IGDCC4: variants seen among roughly 807,000 people sequenced by gnomAD.
IGDCC4 encodes the protein likely ortholog of mouse neighbor of Punc E11.
IGDCC4 carries 72 observed loss-of-function variants against 116.6 expected under a neutral mutation model. That is an observed-to-expected ratio of 0.62 (90% CI 0.51 to 0.75). The LOEUF is 0.75. IGDCC4 is among the 30% of genes least tolerant of loss of function. The pLI, the probability that IGDCC4 is intolerant of heterozygous loss-of-function variation, is 0.00. For synonymous variants in IGDCC4, 709 were observed against 719.9 expected, an observed-to-expected ratio of 0.98 and a Z score of 0.24; for missense variants, 1,501 against 1,662.4, an observed-to-expected ratio of 0.90 and a Z score of 1.69.
Position 65,391,966 on chromosome 15 carries a change from T to C in IGDCC4, c.2138A>G (p.Tyr713Cys). Reference sequence around the variant, plus strand: ...GTTGAAAGCCACGAGCTTCACCTCGTACAGCCGGCCAGGGACTGGGGAAGG... The same window carrying C: ...GTTGAAAGCCACGAGCTTCACCTCGCACAGCCGGCCAGGGACTGGGGAAGG... ...ELTQLVPGRLYEVKLVAFNKH... is the reference protein window; with the variant it reads ...ELTQLVPGRLCEVKLVAFNKH... Residue 713 changes from tyrosine (Y) to cysteine (C), a missense_variant, in exon 12 of 20, where the codon TAC becomes TGC. Tyr to Cys is a radical substitution (Grantham distance 194). Around this residue, in one of 3 missense-constraint regions of IGDCC4, gnomAD observed 898 missense variants for 978.9 expected, o/e 0.92. Transcript: ENST00000352385. The C allele has an allele frequency of 6.2e-7, 1 of 1,611,856 alleles. No homozygotes were observed. Among genetic ancestry groups the C allele is most frequent in the Non-Finnish European group, 8.5e-7 (1 of 1,178,920 alleles).
intron 3 of IGDCC4, among the ~76,000 whole-genome samples, chr15:65,407,087 G>A (rs1428215755): frequency 1.3e-5 from 2 of 152,012 alleles, no homozygotes; most frequent in African/African-American, 2.4e-5. Context: ...TATCCTCCAC[G>A]CAGGTCGCTG....
Position 65,393,907 on chromosome 15 carries a change from T to A in IGDCC4, c.1715-376A>T, listed in dbSNP as rs897343309. Among the ~76,000 whole-genome samples, 1 of 152,242 alleles carries A rather than the reference T, an allele frequency of 6.6e-6. No individual in the cohort carries two copies. The highest frequency in any genetic ancestry group is 2.4e-5 in the African/African-American group (1 of 41,468). The stretch of plus-strand genomic sequence containing the variant: ...GCTTCCAGAGCCCTGAGGGCCACCA[T>A]GGCCACTTCCTCACCCTTCCCTCCT... On this transcript the variant is annotated intron_variant, in intron 9 of 19. Coordinates refer to ENST00000352385, the MANE Select transcript of IGDCC4 (RefSeq NM_020962.3). This position sits in a 1 kb window ranked among gnomAD's most constrained non-coding sequence, Gnocchi z 4.6.
At chr15:65,413,204 A>G (rs893539604) in intron 1 of IGDCC4, among the ~76,000 whole-genome samples, 4 of 152,142 alleles carry the variant, frequency 2.6e-5, no homozygotes, top group Non-Finnish European at 5.9e-5. Flanking sequence ...TAAGTGCCCC[A>G]GGTAGGGACT....
At position 65,411,032 on chromosome 15, in the gene IGDCC4, C is replaced by A; in HGVS notation, c.409G>T (p.Val137Phe). 6.2e-7 allele frequency: 1 copy of A among 1,608,070 alleles called. No individual in the cohort carries two copies. ...LGVLASQTAVVKLATLADFSL... is the reference protein window; with the variant it reads ...LGVLASQTAVFKLATLADFSL... ...TGCAAGCACTTACTGGCAAGCTTGA[C>A]GACAGCAGTCTGGCTGGCCAGCACT... Residue 137 changes from valine (V) to phenylalanine (F), a missense_variant, in exon 2 of 20, where the codon GTC becomes TTC. Around this residue, in one of 3 missense-constraint regions of IGDCC4, gnomAD observed 898 missense variants for 978.9 expected, o/e 0.92. Coordinates refer to ENST00000352385, the MANE Select transcript of IGDCC4 (RefSeq NM_020962.3).
chr15:65,400,364 C>G (rs1275072592), intron 5 of IGDCC4, among the ~76,000 whole-genome samples: 1 of 152,216 alleles, frequency 6.6e-6, no homozygotes, highest in Non-Finnish European at 1.5e-5. Flanking sequence ...CAGCAGTATG[C>G]TGGGGTGGAC....
At chr15:65,411,575 T>C (rs989190520) in intron 1 of IGDCC4, among the ~76,000 whole-genome samples, 2 of 152,142 alleles carry the variant, frequency 1.3e-5, no homozygotes, top group African/African-American at 2.4e-5. Context: ...AATTTCCTCA[T>C]AGCAGCATTA....
chr15:65,422,722 C>T, intron 1 of IGDCC4, 71 bp downstream of exon 1: 1 of 1,194,642 alleles, frequency 8.4e-7, no homozygotes, highest in South Asian at 2.1e-5. Context: ...CCCCGCAGCC[C>T]GATGCAGACC....
At position 65,388,967 on chromosome 15, in the gene IGDCC4, G is replaced by A. The variant is rs1349321269; in HGVS notation, c.2548C>T (p.Pro850Ser). 14 of 1,599,216 alleles carry A rather than the reference G, an allele frequency of 8.8e-6. No individual in the cohort carries two copies. In the South Asian group the frequency reaches 1.5e-4, roughly 17 times the overall value. The change falls in exon 15 of 20, where the codon CCC (proline) becomes TCC (serine). Residue 850 changes from proline to serine, a missense_variant. By Grantham distance (74) the Pro-to-Ser change is moderately conservative (BLOSUM62 -1). Around this residue, in one of 3 missense-constraint regions of IGDCC4, gnomAD observed 235 missense variants for 328.0 expected, o/e 0.72. Transcript: ENST00000352385. ...RSTLPDRPST[P>S]PSDLRLSPLT... is the part of the protein sequence containing the mutation. ...GGGCTCAGTCGCAGGTCGGATGGGG[G>A]TGTGGAGGGCCCTGGGGTGCGGGAG...
chr15:65,393,507 C>T lies in IGDCC4; in HGVS notation c.1739G>A (p.Arg580Gln), dbSNP rs150437562. Residue 580 changes from arginine (R) to glutamine (Q), a missense_variant, in exon 10 of 20, where the codon CGA becomes CAA. By Grantham distance (43) the Arg-to-Gln change is conservative. Coordinates refer to ENST00000352385, the MANE Select transcript of IGDCC4 (RefSeq NM_020962.3). The surrounding 1 kb of genome is among the most constrained non-coding windows in gnomAD (Gnocchi z 4.6). ...KEDQIFSTEV[R>Q]GNETQLMLNS... ...CAGCATAAGCTGTGTCTCATTTCCT[C>T]GCACCTCAGTAGAGAAAATCTGATC... 124 of 1,605,164 alleles carry T rather than the reference C, an allele frequency of 7.7e-5. 1 individual carries two copies. The African/African-American group carries it at 1.1e-3, about 14-fold the overall frequency.
Position 65,393,815 on chromosome 15 carries a change from T to G in IGDCC4, c.1715-284A>C, listed in dbSNP as rs2062891075. Among the ~76,000 whole-genome samples the G allele has an allele frequency of 6.6e-6, 1 of 152,006 alleles. No individual in the cohort carries two copies. Among genetic ancestry groups the G allele is most frequent in the African/African-American group, 2.4e-5 (1 of 41,358 alleles). On this transcript the variant is annotated intron_variant, in intron 9 of 19. Transcript: ENST00000352385. This position sits in a 1 kb window ranked among gnomAD's most constrained non-coding sequence, Gnocchi z 4.6. ...CCAGGAGCTGTCAATGACCATCCCC[T>G]GCCAACACACACACACACGGGATGC...
At chr15:65,414,791 G>A (rs938501715) in intron 1 of IGDCC4, among the ~76,000 whole-genome samples, 4 of 152,182 alleles carry the variant, frequency 2.6e-5, no homozygotes, top group African/African-American at 4.8e-5. Context: ...ACAGGCATGC[G>A]CCATCACACC....
At chr15:65,387,947 TA>T (rs1207237666) in intron 16 of IGDCC4, among the ~76,000 whole-genome samples, 2 of 152,000 alleles carry the variant, frequency 1.3e-5, no homozygotes, top group Non-Finnish European at 2.9e-5. Context: ...CCGTCTTTAC[TA>T]AAAAATACAA....
chr15:65,396,939 G>C lies in IGDCC4; in HGVS notation c.892C>G (p.Leu298Val). 1 of 1,577,048 alleles carries C rather than the reference G, an allele frequency of 6.3e-7. No individual in the cohort carries two copies. The highest frequency in any genetic ancestry group is 8.6e-7 in the Non-Finnish European group (1 of 1,160,978). Reference protein sequence around the residue: ...DVIVLGRTNLLIANAQPWHSG... With the variant: ...DVIVLGRTNLVIANAQPWHSG... ...TGCCAGGGCTGCGCGTTGGCAATTA[G>C]TAGGTTGGTGCGGCCCAGGACGATG... Residue 298 changes from leucine (L) to valine (V), a missense_variant, in exon 6 of 20, where the codon CTA becomes GTA. Physicochemically the swap from Leu to Val is conservative, Grantham distance 32 (BLOSUM62 1). This residue lies in a region of IGDCC4 where 898 missense variants were observed against 978.9 expected (regional missense o/e 0.92). Transcript: ENST00000352385.
At chr15:65,404,497 CCTTT>C (rs2063021717) in intron 3 of IGDCC4, among the ~76,000 whole-genome samples, 1 of 152,168 alleles carries the variant, frequency 6.6e-6, no homozygotes, top group African/African-American at 2.4e-5. Context: ...TCCTCCAAGA[CCTTT>C]CTTTCTCCTC....
At position 65,384,304 on chromosome 15, in the gene IGDCC4, A is replaced by T. The variant is rs2091431898; in HGVS notation, c.3458T>A (p.Leu1153Gln). 2 of 1,607,370 alleles carry T rather than the reference A, an allele frequency of 1.2e-6. No individual in the cohort carries two copies. Among genetic ancestry groups the T allele is most frequent in the Non-Finnish European group, 1.7e-6 (2 of 1,176,658 alleles). The stretch of plus-strand genomic sequence containing the variant: ...TGGAGGCAGGGGGTCCTCAGGCTCC[A>T]GGTCTTGGAGATGGAGGTCAGGGTT... The part of the protein sequence containing the change: ...NGNPDLHLQD[L>Q]EPEDPLPPEA... The change falls in exon 20 of 20, where the codon CTG (leucine) becomes CAG (glutamine). Residue 1153 changes from leucine to glutamine, a missense_variant. By Grantham distance (113) the Leu-to-Gln change is moderately radical (BLOSUM62 -2). Transcript: ENST00000352385. The surrounding 1 kb of genome is among the most constrained non-coding windows in gnomAD (Gnocchi z 4.9).
At chr15:65,409,580 A>G (rs2063070894) in intron 3 of IGDCC4, among the ~76,000 whole-genome samples, 1 of 152,240 alleles carries the variant, frequency 6.6e-6, no homozygotes, top group Non-Finnish European at 1.5e-5. Flanking sequence ...ACCAAGTCCA[A>G]GGTCTAGCCT....
At position 65,395,741 on chromosome 15, in the gene IGDCC4, C is replaced by T. The variant is rs554462957; in HGVS notation, c.1411+9G>A. ...CTGCGCTGGTGCATCCCGCCCCAGG[C>T]CGACGTACCCCGTGCCTTCTGGTAG... On this transcript the variant is annotated intron_variant, in intron 7 of 19. Coordinates refer to ENST00000352385, the MANE Select transcript of IGDCC4 (RefSeq NM_020962.3). The T allele has an allele frequency of 1.7e-5, 25 of 1,429,772 alleles. No homozygotes were observed. The East Asian group carries it at 6.9e-4, about 40-fold the overall frequency. 88.6% of individuals were successfully genotyped at this position (1,429,772 alleles called of 1,614,324 possible).
intron 5 of IGDCC4, among the ~76,000 whole-genome samples, chr15:65,398,533 C>CAAAAAAA (rs3082803): frequency 1.5e-4 from 12 of 77,636 alleles, no homozygotes; most frequent in Non-Finnish European, 2.5e-4. Flanking sequence ...AACTCCATCT[C>CAAAAAAA]AAAAAAAAAA....
At chr15:65,392,457 G>C (rs1437632643) in intron 10 of IGDCC4, 87 bp from the exon 11 acceptor site, 1 of 1,050,076 alleles carries the variant, frequency 9.5e-7, no homozygotes, top group African/African-American at 1.6e-5. Flanking sequence ...ACAGGGAAGA[G>C]GCATGAGGAA....
Sources: gnomAD v4.1 joint callset for allele counts (sites outside exome capture counted in the v4.1 genomes callset) on GRCh38, gnomAD v4.1.1 for gene constraint, gnomAD v4.1.1 regional missense constraint, Gnocchi (gnomAD v3.1) non-coding constraint, MANE v1.5 for transcripts, NCBI Gene and HGNC (gene_info 2026-07-23, HGNC 2026-07-21) for gene names.